Variants in CARS2 observed in about 807,000 individuals in gnomAD.
CARS2 encodes the protein cysteinyl-tRNA synthetase 2, mitochondrial, also known as probable cysteine--tRNA ligase, mitochondrial.
In CARS2, 52 loss-of-function variants were observed where a neutral mutation model predicts 68.8. That is an observed-to-expected ratio of 0.76 (90% CI 0.61 to 0.95). The LOEUF (loss-of-function observed/expected upper bound fraction) is 0.95. CARS2 is among the 40% of genes least tolerant of loss of function. CARS2 has a pLI of 0.00. For synonymous variants in CARS2, 314 were observed against 303.6 expected (o/e 1.03, Z -0.36); for missense variants, 780 against 754.2 (o/e 1.03, Z -0.40).
chr13:110,690,235 T>TA (rs1177247948), intron 3 of CARS2, among the ~76,000 whole-genome samples: 3 of 151,888 alleles, frequency 2.0e-5, no homozygotes, highest in Non-Finnish European at 2.9e-5. Context: ...CTCAAAAAAA[T>TA]AAAAAATAAA....
Position 110,641,507 on chromosome 13 carries a change from C to G in CARS2, c.*30G>C. 1 of 1,572,786 alleles carries G rather than the reference C, an allele frequency of 6.4e-7. No individual in the cohort carries two copies. The highest frequency in any genetic ancestry group is 8.8e-7 in the Non-Finnish European group (1 of 1,142,276). On this transcript the variant is annotated 3_prime_UTR_variant, in exon 15 of 15. Transcript: ENST00000257347. The stretch of plus-strand genomic sequence containing the variant: ...CCTGAGAAGCATGGGTGCGTCTTGT[C>G]GTGAGCAGGTTCATGGCTGTGCTCC...
chr13:110,684,006 C>T (rs1158593519), intron 5 of CARS2, among the ~76,000 whole-genome samples: 2 of 152,228 alleles, frequency 1.3e-5, no homozygotes, highest in African/African-American at 2.4e-5. Flanking sequence ...CCTAAGAAAG[C>T]AGAGCTGGGG....
chr13:110,675,564 G>T (rs1174986676), intron 7 of CARS2, among the ~76,000 whole-genome samples: 1 of 152,120 alleles, frequency 6.6e-6, no homozygotes, highest in South Asian at 2.1e-4. Flanking sequence ...GTCATGGGGT[G>T]GGGGAGTGGG....
chr13:110,698,766 G>C (rs890688552), intron 3 of CARS2, among the ~76,000 whole-genome samples: 6 of 152,138 alleles, frequency 3.9e-5, no homozygotes, highest in African/African-American at 1.4e-4. Flanking sequence ...CACTTTGGGA[G>C]GCCGAGGCAG....
In CARS2 at chr13:110,666,768, T is replaced by C. The variant is rs571324029; in HGVS notation, c.919+572A>G. 2.7e-5 allele frequency: 27 copies of C among 985,442 alleles called. No individual in the cohort carries two copies. In the South Asian group the frequency reaches 1.1e-3, roughly 41 times the overall value. The allele number at this position is 985,442 out of a possible 1,614,324, so 61.0% of individuals were successfully genotyped here. On this transcript the variant is annotated intron_variant, in intron 8 of 14. Coordinates refer to ENST00000257347, the MANE Select transcript of CARS2 (RefSeq NM_024537.4). ...ACTCTTTATCTTTCTTCATCTCAAA[T>C]ACCTTAGCTGTCCATCCCCAAAAGG...
At chr13:110,662,933 C>A in intron 9 of CARS2, 1 of 451,110 alleles carries the variant, frequency 2.2e-6, no homozygotes, top group South Asian at 1.6e-5. Flanking sequence ...ACTATGTCAG[C>A]CAGAGCCCTC....
At chr13:110,672,755 C>A (rs2062835708) in intron 7 of CARS2, among the ~76,000 whole-genome samples, 2 of 152,010 alleles carry the variant, frequency 1.3e-5, no homozygotes, top group Non-Finnish European at 2.9e-5. Context: ...AAAAACCCTT[C>A]AAAAAATCAA....
Position 110,641,479 on chromosome 13 carries a change from G to A in CARS2, c.*58C>T, listed in dbSNP as rs1887273124. The A allele has an allele frequency of 3.6e-6, 5 of 1,372,308 alleles. No individual in the cohort carries two copies. Among genetic ancestry groups the A allele is most frequent in the Admixed American group, 3.3e-5 (2 of 59,714 alleles). 85.0% of individuals were successfully genotyped at this position (1,372,308 alleles called of 1,614,324 possible). A position where few individuals can be genotyped will look rare whatever the true frequency, so the allele number is the denominator to read the frequency against. ...ACAGGAAGCTTTAACATAAAGCCTTGACCCTGAGAAGCATGGGTGCGTCTT... is the reference window on the plus strand; with the variant it reads ...ACAGGAAGCTTTAACATAAAGCCTTAACCCTGAGAAGCATGGGTGCGTCTT... On this transcript the variant is annotated 3_prime_UTR_variant, in exon 15 of 15. Coordinates refer to ENST00000257347, the MANE Select transcript of CARS2 (RefSeq NM_024537.4).
intron 3 of CARS2, among the ~76,000 whole-genome samples, chr13:110,700,171 C>G (rs1594416288): frequency 6.6e-6 from 1 of 152,164 alleles, no homozygotes; most frequent in African/African-American, 2.4e-5. Context: ...GAGTGGAGGG[C>G]CACCTTACAA....
At chr13:110,666,655 A>T (rs1399407444) in intron 8 of CARS2, 2 of 985,402 alleles carry the variant, frequency 2.0e-6, no homozygotes, top group East Asian at 1.1e-4. Flanking sequence ...CTAATTTCCC[A>T]ATTCAAGGAC....
At chr13:110,666,977 T>C in intron 8 of CARS2, 1 of 983,304 alleles carries the variant, frequency 1.0e-6, no homozygotes, top group Non-Finnish European at 1.2e-6. Context: ...AGGGCAATGT[T>C]ATTAGAAGAT....
At chr13:110,706,144 C>A (rs753979293), upstream of CARS2, 1 of 1,225,676 alleles carries the variant, frequency 8.2e-7, no homozygotes, top group Non-Finnish European at 1.0e-6. Context: ...ACGCCGGGTA[C>A]GCTGCCGGTC....
At chr13:110,685,397 T>G (rs1277414471) in intron 5 of CARS2, among the ~76,000 whole-genome samples, 1 of 152,214 alleles carries the variant, frequency 6.6e-6, no homozygotes, top group African/African-American at 2.4e-5. Context: ...CAGAGCCTAC[T>G]GAGCAGATCC....
chr13:110,712,242 G>C (rs1296937984), intron 1 of CARS2: 1 of 153,296 alleles, frequency 6.5e-6, no homozygotes, highest in African/African-American at 2.4e-5. Flanking sequence ...CCGGCTCTCC[G>C]GAAAAGAGAA....
At chr13:110,642,238 G>C in intron 14 of CARS2, 77 bp downstream of exon 14, 1 of 1,127,874 alleles carries the variant, frequency 8.9e-7, no homozygotes, top group Non-Finnish European at 1.3e-6. Flanking sequence ...GGGGATGTCT[G>C]GGCCTCTGAT....
rs546757676 is a variant in CARS2, at chr13:110,705,671, C to A, written c.225-100G>T. ...CATATAATTTTTAAAGTAATCACTT[C>A]TGGGGGATGAATAGCCGGGGTTTTC... On this transcript the variant is annotated intron_variant, in intron 1 of 14. Transcript: ENST00000257347. This position sits in a 1 kb window ranked among gnomAD's most constrained non-coding sequence, Gnocchi z 4.0. 529 of 1,474,402 alleles carry A rather than the reference C, an allele frequency of 3.6e-4. 2 individuals are homozygous for A. In the African/African-American group the frequency reaches 6.5e-3, roughly 18 times the overall value. The allele number at this position is 1,474,402 out of a possible 1,614,324, so 91.3% of individuals were successfully genotyped here.
chr13:110,678,190 G>A (rs1481281007), intron 6 of CARS2: 2 of 152,366 alleles, frequency 1.3e-5, no homozygotes, highest in East Asian at 1.9e-4. Context: ...TCTGTCTTAC[G>A]AGAAATACTC....
At position 110,644,640 on chromosome 13, in the gene CARS2, A is replaced by G. The variant is rs992599406; in HGVS notation, c.1318-157T>C. 2.0e-5 allele frequency: 26 copies of G among 1,286,204 alleles called. No homozygotes were observed. The Admixed American group carries it at 2.5e-4, about 12-fold the overall frequency. 79.7% of individuals were successfully genotyped at this position (1,286,204 alleles called of 1,614,324 possible). A position where few individuals can be genotyped will look rare whatever the true frequency, so the allele number is the denominator to read the frequency against. Reference sequence around the variant, plus strand: ...GGAGGACACAGCTCTGGCATCGGCTACCTCACTGCAGACCATACAACTATA... The same window carrying G: ...GGAGGACACAGCTCTGGCATCGGCTGCCTCACTGCAGACCATACAACTATA... On this transcript the variant is annotated intron_variant, in intron 12 of 14. Transcript: ENST00000257347.
chr13:110,646,211 TCATATTCCC>T, intron 11 of CARS2, 121 bp from the exon 12 acceptor site: 1 of 1,174,462 alleles, frequency 8.5e-7, no homozygotes, highest in South Asian at 1.6e-5. Flanking sequence ...TTTCTCTAGG[TCATATTCCC>T]AAAGACTTGA....
Sources: gnomAD v4.1 joint callset for allele counts (sites outside exome capture counted in the v4.1 genomes callset) on GRCh38, gnomAD v4.1.1 for gene constraint, Gnocchi (gnomAD v3.1) non-coding constraint, MANE v1.5 for transcripts, NCBI Gene and HGNC (gene_info 2026-07-23, HGNC 2026-07-21) for gene names.